ARL17A: variants seen among roughly 807,000 people sequenced by gnomAD.
ARL17A encodes the protein ARF like GTPase 17A.
the ARL17A span, among the ~76,000 whole-genome samples, chr17:46,500,840 C>T: frequency 6.6e-6 from 1 of 150,970 alleles, no homozygotes; most frequent in Non-Finnish European, 1.5e-5. Flanking sequence ...GGAAGTGTTT[C>T]TCAAAGTATG....
intron 4 of ARL17A, among the ~76,000 whole-genome samples, chr17:46,533,130 G>T (rs1288693197): frequency 9.2e-6 from 1 of 108,984 alleles, no homozygotes; most frequent in Non-Finnish European, 1.8e-5. Flanking sequence ...AAAACAAAAT[G>T]TTTGTGGCCA....
chr17:46,542,894 A>T (rs1402559466), intron 3 of ARL17A, among the ~76,000 whole-genome samples: 1 of 150,092 alleles, frequency 6.7e-6, no homozygotes, highest in Non-Finnish European at 1.5e-5. Flanking sequence ...AGGGCCCTTC[A>T]TTTAGCACTC....
At chr17:46,535,030 TC>T (rs1362217021) in intron 4 of ARL17A, among the ~76,000 whole-genome samples, 1 of 149,682 alleles carries the variant, frequency 6.7e-6, no homozygotes, top group African/African-American at 2.5e-5. Context: ...GCAGAGGCGC[TC>T]CTCACATCCC....
chr17:46,546,978 G>A (rs1351312342), intron 3 of ARL17A, among the ~76,000 whole-genome samples: 1 of 7,168 alleles, frequency 1.4e-4, no homozygotes, highest in Non-Finnish European at 2.6e-4. Context: ...CAGAACAAAC[G>A]CTCAAGGGCT....
intron 2 of ARL17A, among the ~76,000 whole-genome samples, chr17:46,575,285 G>A (rs112458826): frequency 8.8e-4 from 114 of 130,118 alleles, no homozygotes; most frequent in African/African-American, 3.1e-3. Context: ...TTAACAAGCC[G>A]GTAAAACACA....
At chr17:46,521,631 G>A (rs1465357599) in intron 3 of ARL17A, among the ~76,000 whole-genome samples, 3 of 70,958 alleles carry the variant, frequency 4.2e-5, no homozygotes, top group Non-Finnish European at 6.8e-5. Context: ...CTCGAACATA[G>A]AAGAGGAAAA....
At chr17:46,503,013 T>C in the ARL17A span, among the ~76,000 whole-genome samples, 12,413 of 138,954 alleles carry the variant, frequency 0.089, 4 homozygotes, top group Middle Eastern at 0.14. Flanking sequence ...GAGATGGAGA[T>C]CATCCTGGCT....
chr17:46,543,825 G>C (rs1050167337), intron 3 of ARL17A, among the ~76,000 whole-genome samples: 1 of 150,694 alleles, frequency 6.6e-6, no homozygotes, highest in African/African-American at 2.5e-5. Context: ...CTTGGGGGCA[G>C]AAAAAGAATA....
At chr17:46,516,220 A>G (rs76211867), downstream of ARL17A, among the ~76,000 whole-genome samples, 4,055 of 126,390 alleles carry the variant, frequency 0.032, 126 homozygotes, top group Non-Finnish European at 0.056. Flanking sequence ...GGAGAATGGC[A>G]TGAACCTGGG....
rs1437522174 is a variant in ARL17A, at chr17:46,543,341, C to CA, written c.260-4916dup. ...GTATACCTCAGGTCATTTACAGTCT[C>CA]AAAGATTTGTCAGTATACTTTAAAA... On this transcript the variant is annotated intron_variant, in intron 3 of 4. Coordinates refer to the ARL17A transcript ENST00000329240. Among the ~76,000 whole-genome samples, 3 of 150,590 alleles carry CA rather than the reference C, an allele frequency of 2.0e-5. No homozygotes were observed. The South Asian group carries it at 6.2e-4, about 31-fold the overall frequency.
intron 3 of ARL17A, among the ~76,000 whole-genome samples, chr17:46,543,674 C>T (rs2055828617): frequency 1.3e-5 from 2 of 150,884 alleles, no homozygotes; most frequent in Admixed American, 1.3e-4. Context: ...TAGACATACA[C>T]ACACGGAAAG....
downstream of ARL17A, among the ~76,000 whole-genome samples, chr17:46,551,242 G>A (rs1472706160): frequency 3.4e-5 from 5 of 149,174 alleles, no homozygotes; most frequent in African/African-American, 5.2e-5. Flanking sequence ...GACAAGTCCT[G>A]TTTACAGTGC....
At chr17:46,541,751 T>C (rs1310563501) in intron 3 of ARL17A, among the ~76,000 whole-genome samples, 1 of 150,888 alleles carries the variant, frequency 6.6e-6, no homozygotes, top group Non-Finnish European at 1.5e-5. Context: ...AGTATAATTA[T>C]GTACATACCA....
the ARL17A span, among the ~76,000 whole-genome samples, chr17:46,506,118 T>TA: frequency 2.4e-4 from 36 of 147,598 alleles, no homozygotes; most frequent in Middle Eastern, 3.5e-3. Context: ...GCCTTTTTTT[T>TA]ACTCGTAGAA....
intron 4 of ARL17A, among the ~76,000 whole-genome samples, chr17:46,535,055 C>A: frequency 6.7e-6 from 1 of 148,868 alleles, no homozygotes; most frequent in Non-Finnish European, 1.5e-5. Flanking sequence ...CGGGCATGCC[C>A]AGTTATTTTC....
intron 3 of ARL17A, among the ~76,000 whole-genome samples, chr17:46,541,866 G>T (rs1423049048): frequency 6.7e-6 from 1 of 150,276 alleles, no homozygotes; most frequent in Non-Finnish European, 1.5e-5. Flanking sequence ...ATCTGCAGGG[G>T]GTCCTGGAGC....
At chr17:46,551,077 G>A (rs2056755530), downstream of ARL17A, among the ~76,000 whole-genome samples, 1 of 150,078 alleles carries the variant, frequency 6.7e-6, no homozygotes, top group Non-Finnish European at 1.5e-5. Context: ...TAAGTTCACT[G>A]GTGAGGGGGA....
At chr17:46,516,154 T>A (rs1361864461), downstream of ARL17A, among the ~76,000 whole-genome samples, 71 of 149,694 alleles carry the variant, frequency 4.7e-4, no homozygotes, top group Non-Finnish European at 9.0e-4. Context: ...CAGAAAAAAA[T>A]TAGCCAGGCA....
At chr17:46,534,398 TCTTAACGAGCATGCTG>T (rs2054248074) in intron 4 of ARL17A, among the ~76,000 whole-genome samples, 1 of 147,036 alleles carries the variant, frequency 6.8e-6, no homozygotes, top group Admixed American at 6.7e-5. Context: ...TGGTGATGAC[TCTTAACGAGCATGCTG>T]CTTTCAAGCA....
Sources: allele counts gnomAD v4.1 joint callset (sites outside exome capture counted in the v4.1 genomes callset), GRCh38; gene constraint gnomAD v4.1.1; transcripts MANE v1.5; gene names NCBI Gene and HGNC (gene_info 2026-07-23, HGNC 2026-07-21).